OPRM1: variants seen among roughly 807,000 people sequenced by gnomAD.
OPRM1 encodes the protein opioid receptor mu 1.
OPRM1 carries 27 observed loss-of-function variants against 31.8 expected under a neutral mutation model. The ratio of observed to expected loss-of-function variants is 0.85; its 90% CI spans 0.63 to 1.17. OPRM1 has a LOEUF of 1.17. Ranked by LOEUF, OPRM1 falls within the 50% of genes most tolerant of loss-of-function variation. The pLI is 0.00. For synonymous variants in OPRM1, 196 were observed against 189.9 expected, an observed-to-expected ratio of 1.03 and a Z score of -0.26; for missense variants, 536 against 511.1, an observed-to-expected ratio of 1.05 and a Z score of -0.47.
intron 3 of OPRM1, chr6:154,157,562 T>G (rs1407254331): frequency 6.6e-6 from 1 of 152,190 alleles, no homozygotes; most frequent in Non-Finnish European, 1.5e-5. Context: ...AGTTTACAGT[T>G]GAAAGGCTGG....
At chr6:154,213,045 C>T (rs1050200003) in intron 3 of OPRM1, 9 of 562,388 alleles carry the variant, frequency 1.6e-5, no homozygotes, top group Admixed American at 3.0e-5. Flanking sequence ...ATGGCCAATT[C>T]GGGGCTCCTG....
chr6:154,072,753 A>C (rs1787062610), intron 1 of OPRM1, among the ~76,000 whole-genome samples: 1 of 152,212 alleles, frequency 6.6e-6, no homozygotes, highest in African/African-American at 2.4e-5. Flanking sequence ...ATAAGACAAA[A>C]TGAATTAACA....
At chr6:154,114,446 G>C (rs1796655780) in intron 3 of OPRM1, among the ~76,000 whole-genome samples, 1 of 151,862 alleles carries the variant, frequency 6.6e-6, no homozygotes, top group Admixed American at 6.6e-5. Context: ...AAAAAAAAGA[G>C]AGAAAGAGAA....
At chr6:154,233,729 A>C (rs530824439) in intron 3 of OPRM1, among the ~76,000 whole-genome samples, 5 of 152,250 alleles carry the variant, frequency 3.3e-5, no homozygotes, top group Admixed American at 1.3e-4. Context: ...AGTGACCCTG[A>C]CATATGCCCT....
chr6:154,203,910 C>T (rs564317143), intron 3 of OPRM1, among the ~76,000 whole-genome samples: 8 of 152,228 alleles, frequency 5.3e-5, no homozygotes, highest in East Asian at 3.9e-4. Context: ...GTGATTTATC[C>T]GAATCCCAGG....
intron 3 of OPRM1, among the ~76,000 whole-genome samples, chr6:154,110,671 G>A (rs140226861): frequency 0.012 from 1,898 of 152,058 alleles, 41 homozygotes; most frequent in African/African-American, 0.044. Flanking sequence ...GGTGGATCAC[G>A]AGGTCAGGAA....
intron 1 of OPRM1, among the ~76,000 whole-genome samples, chr6:154,075,378 A>G (rs1256900198): frequency 6.6e-6 from 1 of 152,204 alleles, no homozygotes; most frequent in Non-Finnish European, 1.5e-5. Context: ...TTTCATTACA[A>G]GGATGAAATT....
At chr6:154,233,121 G>C (rs986944405) in intron 3 of OPRM1, among the ~76,000 whole-genome samples, 1 of 151,926 alleles carries the variant, frequency 6.6e-6, no homozygotes, top group Non-Finnish European at 1.5e-5. Flanking sequence ...GGCATGTGCC[G>C]CCACGCCCAG....
chr6:154,089,770 T>A, intron 1 of OPRM1, 56 bp from the exon 2 acceptor site: 3 of 1,191,118 alleles, frequency 2.5e-6, no homozygotes. Flanking sequence ...GAAGCTTACC[T>A]ATATTTTACA....
intron 3 of OPRM1, among the ~76,000 whole-genome samples, chr6:154,177,290 G>T (rs1274336693): frequency 6.6e-6 from 1 of 152,178 alleles, no homozygotes; most frequent in Non-Finnish European, 1.5e-5. Context: ...TGACAAACGG[G>T]ATCTAATTAA....
At chr6:154,171,989 G>A (rs1000188788) in intron 3 of OPRM1, among the ~76,000 whole-genome samples, 2 of 152,132 alleles carry the variant, frequency 1.3e-5, no homozygotes, top group African/African-American at 4.8e-5. Flanking sequence ...CCAAACAAGA[G>A]TATGACAAAG....
chr6:154,212,103 TAAAACCAA>T (rs1778009176), intron 3 of OPRM1, among the ~76,000 whole-genome samples: 1 of 152,204 alleles, frequency 6.6e-6, no homozygotes, highest in Non-Finnish European at 1.5e-5. Flanking sequence ...ATGGTAGGTA[TAAAACCAA>T]AAATCACCTT....
intron 1 of OPRM1, among the ~76,000 whole-genome samples, chr6:154,068,980 T>C (rs1272998827): frequency 1.3e-5 from 2 of 152,254 alleles, no homozygotes; most frequent in African/African-American, 4.8e-5. Context: ...TTTTTTCATA[T>C]ACCTGTTGAC....
intron 1 of OPRM1, among the ~76,000 whole-genome samples, chr6:154,082,816 C>G (rs983307264): frequency 6.6e-6 from 1 of 152,112 alleles, no homozygotes; most frequent in Non-Finnish European, 1.5e-5. Flanking sequence ...ATGCTGTTTT[C>G]AAAGTCTTTA....
At chr6:154,108,952 C>G in intron 3 of OPRM1, 1 of 984,896 alleles carries the variant, frequency 1.0e-6, no homozygotes, top group Non-Finnish European at 1.2e-6. Context: ...AGAGGTAGCA[C>G]ATAAGAAATA....
At chr6:154,023,917 T>G (rs1421795064) in intron 1 of OPRM1, among the ~76,000 whole-genome samples, 1 of 152,150 alleles carries the variant, frequency 6.6e-6, no homozygotes, top group Non-Finnish European at 1.5e-5. Context: ...ATTATCTTTT[T>G]AATATATTGT....
At chr6:154,205,185 T>C (rs1331574108) in intron 3 of OPRM1, among the ~76,000 whole-genome samples, 3 of 152,194 alleles carry the variant, frequency 2.0e-5, no homozygotes, top group Non-Finnish European at 4.4e-5. Flanking sequence ...AGTAATTTGT[T>C]TGAATTATTA....
intron 3 of OPRM1, among the ~76,000 whole-genome samples, chr6:154,208,915 C>T (rs1184957949): frequency 2.0e-5 from 3 of 152,222 alleles, no homozygotes; most frequent in African/African-American, 7.2e-5. Context: ...AAGCTGCCCA[C>T]TTGCAACTTC....
chr6:154,214,787 C>G (rs1778252620), intron 3 of OPRM1, among the ~76,000 whole-genome samples: 1 of 152,052 alleles, frequency 6.6e-6, no homozygotes, highest in South Asian at 2.1e-4. Flanking sequence ...TAAACTAGAA[C>G]AAATTTTAAT....
Sources: allele counts gnomAD v4.1 joint callset (sites outside exome capture counted in the v4.1 genomes callset), GRCh38; gene constraint gnomAD v4.1.1; transcripts MANE v1.5; gene names NCBI Gene and HGNC (gene_info 2026-07-23, HGNC 2026-07-21).